The following PARVB variants were observed in gnomAD, a reference collection of about 807,000 sequenced individuals.
The protein encoded by PARVB is beta-parvin.
Under a neutral mutation model 47.0 loss-of-function variants are expected in PARVB, and 46 were observed. That is an observed-to-expected ratio of 0.98 (90% confidence interval 0.77 to 1.25). The LOEUF (loss-of-function observed/expected upper bound fraction) is 1.25, where lower values mean the gene tolerates loss of function less well. PARVB is among the 50% of genes most tolerant of loss of function. PARVB has a pLI of 0.00. For missense variants in PARVB, 473 were observed against 471.6 expected (o/e 1.00, Z -0.03); for synonymous variants, 196 against 196.3 (o/e 1.00, Z 0.01).
chr22:44,094,422 A>G (rs1474162850), intron 2 of PARVB, among the ~76,000 whole-genome samples: 1 of 152,226 alleles, frequency 6.6e-6, no homozygotes, highest in African/African-American at 2.4e-5. Flanking sequence ...ATGCCACAGA[A>G]GGCCACATGG....
intron 2 of PARVB, among the ~76,000 whole-genome samples, chr22:44,014,566 T>C (rs1381065421): frequency 6.6e-6 from 1 of 152,220 alleles, no homozygotes; most frequent in African/African-American, 2.4e-5. Flanking sequence ...AATTCTCTCT[T>C]TTTATTAGAA....
chr22:44,075,311 C>A (rs1444822910), intron 1 of PARVB, among the ~76,000 whole-genome samples: 1 of 152,222 alleles, frequency 6.6e-6, no homozygotes. Context: ...AGGGACTAGA[C>A]TATTTTTAGA....
chr22:44,043,651 A>G (rs1448337216), intron 1 of PARVB, among the ~76,000 whole-genome samples: 1 of 152,220 alleles, frequency 6.6e-6, no homozygotes, highest in Non-Finnish European at 1.5e-5. Flanking sequence ...TGCTGGGATT[A>G]CAGGCGTAAG....
chr22:44,036,515 G>GT (rs2050925224), intron 1 of PARVB, among the ~76,000 whole-genome samples: 1 of 152,012 alleles, frequency 6.6e-6, no homozygotes, highest in Admixed American at 6.6e-5. Context: ...GTGGTTTGCA[G>GT]TTTTTTCAAA....
rs2053163747 is a variant in PARVB at position 44,125,308 on chromosome 22, G to A, written c.376+6168G>A. On this transcript the variant is annotated intron_variant, in intron 4 of 12. Transcript: ENST00000338758. This position sits in a 1 kb window ranked among gnomAD's most constrained non-coding sequence, Gnocchi z 4.1. ...ACACAGTGGGAAACAAGAGAGATGA[G>A]CCCCGCACCCTGCGCCTGCCCACTC... Among the ~76,000 whole-genome samples the A allele has an allele frequency of 6.6e-6, 1 of 152,310 alleles. No individual in the cohort carries two copies. The highest frequency in any genetic ancestry group is 1.5e-5 in the Non-Finnish European group (1 of 68,030).
In PARVB at chr22:44,005,507, G is replaced by T. The variant is rs1039602234; in HGVS notation, c.211+5834G>T. ...TTTCTTTAATTTTTTCAGAGACAAG[G>T]TCTTGCTCTGTCACCTAGGCTGGAG... On this transcript the variant is annotated intron_variant, in intron 2 of 13. Transcript: ENST00000406477. Among the ~76,000 whole-genome samples, 4 of 151,570 alleles carry T rather than the reference G, an allele frequency of 2.6e-5. No homozygotes were observed. The East Asian group carries it at 5.8e-4, about 22-fold the overall frequency.
At chr22:44,079,821 G>A (rs1426214605) in intron 1 of PARVB, among the ~76,000 whole-genome samples, 1 of 152,180 alleles carries the variant, frequency 6.6e-6, no homozygotes, top group Non-Finnish European at 1.5e-5. Flanking sequence ...CCAGCTACTT[G>A]GGAGGCTGAG....
chr22:44,153,950 C>T (rs892745477), intron 10 of PARVB, among the ~76,000 whole-genome samples: 1 of 152,170 alleles, frequency 6.6e-6, no homozygotes, highest in African/African-American at 2.4e-5. Flanking sequence ...CCTGCTTCCT[C>T]GGAATAAAAG....
At chr22:44,157,823 G>T (rs1320312466) in intron 10 of PARVB, among the ~76,000 whole-genome samples, 159 bp from the exon 11 acceptor site, 1 of 152,280 alleles carries the variant, frequency 6.6e-6, no homozygotes, top group East Asian at 1.9e-4. Flanking sequence ...GAGCCTGGGA[G>T]GCCGAGCTGC....
At chr22:44,159,316 C>T (rs1254997631) in intron 11 of PARVB, among the ~76,000 whole-genome samples, 1 of 152,174 alleles carries the variant, frequency 6.6e-6, no homozygotes, top group African/African-American at 2.4e-5. Flanking sequence ...GCCAGGAGAC[C>T]TAGGGCTGGT....
At chr22:44,064,399 C>A (rs562482458) in intron 1 of PARVB, among the ~76,000 whole-genome samples, 1 of 152,098 alleles carries the variant, frequency 6.6e-6, no homozygotes, top group South Asian at 2.1e-4. Flanking sequence ...TGTGGACTCG[C>A]GTTTGTTGAA....
At chr22:44,164,354 G>A (rs1453593975) in intron 12 of PARVB, among the ~76,000 whole-genome samples, 2 of 152,182 alleles carry the variant, frequency 1.3e-5, no homozygotes, top group Non-Finnish European at 2.9e-5. Context: ...GCTCTGCGTG[G>A]GTCGGAGCTG....
chr22:44,002,893 C>T (rs1293335308), intron 2 of PARVB, among the ~76,000 whole-genome samples: 1 of 152,078 alleles, frequency 6.6e-6, no homozygotes, highest in Admixed American at 6.6e-5. Context: ...GCCTTCCTGA[C>T]AAGTAAATTA....
chr22:44,101,429 A>T (rs190199647), intron 3 of PARVB, among the ~76,000 whole-genome samples: 6,899 of 145,892 alleles, frequency 0.047, 229 homozygotes, highest in Non-Finnish European at 0.071. Flanking sequence ...AAAAATAAAA[A>T]ATAAAATATA....
chr22:44,091,535 G>A (rs2052167744), intron 1 of PARVB, among the ~76,000 whole-genome samples: 1 of 151,942 alleles, frequency 6.6e-6, no homozygotes, highest in Non-Finnish European at 1.5e-5. Context: ...CTATGCATTC[G>A]CCTACTCGAG....
intron 2 of PARVB, among the ~76,000 whole-genome samples, chr22:44,005,882 C>A (rs1047928371): frequency 2.6e-5 from 4 of 152,230 alleles, no homozygotes; most frequent in Non-Finnish European, 5.9e-5. Context: ...GAGGAGTGTA[C>A]TTCTGTTTCA....
Position 44,044,364 on chromosome 22 carries a change from G to A in PARVB, c.112+19913G>A, listed in dbSNP as rs374127455. 8.6e-4 allele frequency among the ~76,000 whole-genome samples: 131 copies of A among 151,842 alleles called. 1 individual carries two copies. The highest frequency in any genetic ancestry group is 3.0e-3 in the African/African-American group (126 of 41,408). ...CGCCACAGTGCCTGGCTAATTTTTT[G>A]TGTTTTTAGTAGAGACAGGGTTTCA... On this transcript the variant is annotated intron_variant, in intron 1 of 12. Transcript: ENST00000338758.
intron 2 of PARVB, among the ~76,000 whole-genome samples, chr22:44,000,601 T>A (rs1199594762): frequency 6.6e-6 from 1 of 152,252 alleles, no homozygotes; most frequent in African/African-American, 2.4e-5. Flanking sequence ...TTTGTTGCAT[T>A]TGAAGTTGTT....
At chr22:44,019,836 A>G (rs77778074), upstream of PARVB, among the ~76,000 whole-genome samples, 775 of 152,350 alleles carry the variant, frequency 5.1e-3, 9 homozygotes, top group African/African-American at 0.018. Context: ...TTGAATTTCA[A>G]TATGGGGTTT....
Sources: allele counts gnomAD v4.1 joint callset (sites outside exome capture counted in the v4.1 genomes callset), GRCh38; gene constraint gnomAD v4.1.1; non-coding constraint Gnocchi (gnomAD v3.1); transcripts MANE v1.5; gene names NCBI Gene and HGNC (gene_info 2026-07-23, HGNC 2026-07-21).